ROR2: variants seen among roughly 807,000 people sequenced by gnomAD.
ROR2 encodes tyrosine-protein kinase transmembrane receptor ROR2.
In ROR2, 33 loss-of-function variants were observed where a neutral mutation model predicts 74.9. The observed-to-expected ratio is 0.44, with a 90% CI of 0.33 to 0.59. ROR2 has a LOEUF of 0.59. ROR2 is among the 20% of genes least tolerant of loss of function. The pLI is 0.02. For synonymous variants in ROR2, 586 were observed against 558.7 expected (o/e 1.05, Z -0.69); for missense variants, 1,216 against 1,313.8 (o/e 0.93, Z 1.15).
At chr9:91,802,873 G>C (rs578148178) in intron 1 of ROR2, among the ~76,000 whole-genome samples, 1 of 152,246 alleles carries the variant, frequency 6.6e-6, no homozygotes, top group African/African-American at 2.4e-5. Flanking sequence ...ACCACAAAAT[G>C]GGCAACAAAC....
chr9:91,731,086 T>TG lies in ROR2; in HGVS notation c.1006dup (p.Gln336ProfsTer22), dbSNP rs1837227420. ...GTGCTGCAGGGCCCACGGCTGGCAC[T>TG]GGTGGCCTGACTTGGTGGTGCTTGC... On this transcript the variant is annotated frameshift_variant, in exon 7 of 9. Coordinates refer to ENST00000375708, the MANE Select transcript of ROR2 (RefSeq NM_004560.4). LOFTEE classifies it high-confidence loss of function. 1 of 1,614,018 alleles carries TG rather than the reference T, an allele frequency of 6.2e-7. No individual in the cohort carries two copies. The highest frequency in any genetic ancestry group is 2.2e-5 in the East Asian group (1 of 44,876).
At chr9:91,796,364 TC>T (rs1827164919) in intron 1 of ROR2, among the ~76,000 whole-genome samples, 1 of 141,908 alleles carries the variant, frequency 7.0e-6, no homozygotes, top group Non-Finnish European at 1.5e-5. Flanking sequence ...GTCTGGGAGG[TC>T]AAGGCTGCAG....
At chr9:91,900,792 C>A (rs1422676266) in intron 1 of ROR2, among the ~76,000 whole-genome samples, 1 of 152,212 alleles carries the variant, frequency 6.6e-6, no homozygotes, top group Non-Finnish European at 1.5e-5. Flanking sequence ...TCTGTGCAAA[C>A]AGAGGCATAG....
intron 1 of ROR2, among the ~76,000 whole-genome samples, chr9:91,886,106 C>T (rs993236125): frequency 1.3e-5 from 2 of 152,072 alleles, no homozygotes; most frequent in Admixed American, 1.3e-4. Context: ...AACTCCTGAC[C>T]TCAACTGATC....
chr9:91,790,469 C>T (rs1826934851), intron 1 of ROR2, among the ~76,000 whole-genome samples: 1 of 151,248 alleles, frequency 6.6e-6, no homozygotes, highest in South Asian at 2.1e-4. Context: ...AAGATCGCGC[C>T]ACTGCACTCC....
At chr9:91,876,664 G>A (rs1351791986) in intron 1 of ROR2, among the ~76,000 whole-genome samples, 1 of 152,182 alleles carries the variant, frequency 6.6e-6, no homozygotes, top group Non-Finnish European at 1.5e-5. Context: ...TGAAGTTCCA[G>A]AGACATTAGA....
At chr9:91,872,374 G>A (rs2119335367) in intron 1 of ROR2, among the ~76,000 whole-genome samples, 1 of 152,312 alleles carries the variant, frequency 6.6e-6, no homozygotes, top group East Asian at 1.9e-4. Context: ...CCACCCAAGG[G>A]AAGCCTGACA....
chr9:91,910,504 A>C (rs1425782583), intron 1 of ROR2, among the ~76,000 whole-genome samples: 1 of 152,222 alleles, frequency 6.6e-6, no homozygotes, highest in African/African-American at 2.4e-5. Flanking sequence ...AAAAACATCT[A>C]TCCATCAAAG....
intron 1 of ROR2, among the ~76,000 whole-genome samples, chr9:91,925,171 A>G (rs1266953722): frequency 6.6e-6 from 1 of 152,060 alleles, no homozygotes; most frequent in Non-Finnish European, 1.5e-5. Flanking sequence ...ATTTTTAACA[A>G]GCTCCCAGGT....
At chr9:91,787,601 G>A (rs963849525) in intron 1 of ROR2, among the ~76,000 whole-genome samples, 10 of 152,152 alleles carry the variant, frequency 6.6e-5, no homozygotes, top group Non-Finnish European at 1.3e-4. Context: ...ACATAAACCA[G>A]AGAACTAGTC....
intron 1 of ROR2, among the ~76,000 whole-genome samples, chr9:91,860,680 G>A (rs1390951638): frequency 6.6e-6 from 1 of 152,192 alleles, no homozygotes; most frequent in African/African-American, 2.4e-5. Flanking sequence ...GAGTACTAAC[G>A]TGTGAAGGCA....
intron 1 of ROR2, among the ~76,000 whole-genome samples, chr9:91,847,222 C>G (rs1427227739): frequency 1.3e-5 from 2 of 152,146 alleles, no homozygotes; most frequent in Non-Finnish European, 2.9e-5. Flanking sequence ...GCAGACAGCA[C>G]AGACAGACTT....
intron 1 of ROR2, among the ~76,000 whole-genome samples, chr9:91,944,899 T>G (rs1032801013): frequency 1.3e-5 from 2 of 151,564 alleles, no homozygotes; most frequent in African/African-American, 4.9e-5. Context: ...CGAAAAAAAA[T>G]CAAAGAATTA....
At chr9:91,867,656 C>CTCTGTGTGTGTGTGTGTGTGTG (rs564755026) in intron 1 of ROR2, among the ~76,000 whole-genome samples, 3 of 131,288 alleles carry the variant, frequency 2.3e-5, no homozygotes, top group Non-Finnish European at 3.2e-5. Context: ...CACCCATGAG[C>CTCTGTGTGTGTGTGTGTGTGTG]TGTGTGTGTG....
chr9:91,748,334 A>C (rs1464649544), intron 4 of ROR2, among the ~76,000 whole-genome samples: 2 of 152,200 alleles, frequency 1.3e-5, no homozygotes, highest in South Asian at 4.1e-4. Flanking sequence ...CAAGAAAATG[A>C]TGAGTTGTCA....
At chr9:91,769,199 T>C (rs895787401) in intron 2 of ROR2, among the ~76,000 whole-genome samples, 3 of 152,022 alleles carry the variant, frequency 2.0e-5, no homozygotes, top group African/African-American at 7.2e-5. Flanking sequence ...CTGGAGCTTC[T>C]CTTTGCGCCC....
chr9:91,737,350 T>C (rs748067669), intron 5 of ROR2, 41 bp downstream of exon 5: 1 of 1,613,736 alleles, frequency 6.2e-7, no homozygotes, highest in Admixed American at 1.7e-5. Context: ...GATGGCTGTG[T>C]GCATGCTTAT....
At chr9:91,843,690 A>C (rs1189931262) in intron 1 of ROR2, among the ~76,000 whole-genome samples, 1 of 152,214 alleles carries the variant, frequency 6.6e-6, no homozygotes, top group East Asian at 1.9e-4. Context: ...GCAGGTGATA[A>C]ATCACAGGGA....
chr9:91,746,560 G>C (rs368721676), intron 4 of ROR2, among the ~76,000 whole-genome samples: 1 of 152,180 alleles, frequency 6.6e-6, no homozygotes, highest in Admixed American at 6.5e-5. Flanking sequence ...CACACTTGGC[G>C]AGCGGTGCCT....
Sources: gnomAD v4.1 joint callset for allele counts (sites outside exome capture counted in the v4.1 genomes callset) on GRCh38, gnomAD v4.1.1 for gene constraint, MANE v1.5 for transcripts, NCBI Gene and HGNC (gene_info 2026-07-23, HGNC 2026-07-21) for gene names.